DUXA: variants seen among roughly 807,000 people sequenced by gnomAD.
The protein encoded by DUXA is double homeobox A, also known as double homeobox protein A.
Under a neutral mutation model 27.5 loss-of-function variants are expected in DUXA, and 25 were observed. The observed-to-expected ratio is 0.91, with a 90% CI of 0.66 to 1.27. DUXA has a LOEUF of 1.27. Among genes scored for constraint, DUXA ranks in the 50% most tolerant of loss-of-function variants. DUXA has a pLI of 0.00. For missense variants in DUXA, 247 were observed against 242.9 expected (o/e 1.02, Z -0.11); for synonymous variants, 90 against 80.5 (o/e 1.12, Z -0.63).
At chr19:57,155,646 A>AAGATAGATAGATAGATAAAT (rs1555757949) in intron 4 of DUXA, among the ~76,000 whole-genome samples, 5 of 144,012 alleles carry the variant, frequency 3.5e-5, no homozygotes, top group African/African-American at 1.3e-4. Context: ...TGCCCAACCC[A>AAGATAGATAGATAGATAAAT]AGATAGATAG....
At chr19:57,161,042 T>C (rs2087018380) in intron 1 of DUXA, among the ~76,000 whole-genome samples, 1 of 151,862 alleles carries the variant, frequency 6.6e-6, no homozygotes, top group Non-Finnish European at 1.5e-5. Flanking sequence ...AAAACCATTG[T>C]GAGCCGGGCA....
chr19:57,165,318 AAAAAAAATATAT>A (rs1359192468), intron 1 of DUXA, among the ~76,000 whole-genome samples: 5 of 97,104 alleles, frequency 5.1e-5, no homozygotes, highest in Non-Finnish European at 9.1e-5. Context: ...GGAAAAAAAA[AAAAAAAATATAT>A]ATATATATAT....
At chr19:57,164,493 T>TA (rs1250259186) in intron 1 of DUXA, among the ~76,000 whole-genome samples, 2 of 152,210 alleles carry the variant, frequency 1.3e-5, no homozygotes, top group Admixed American at 6.5e-5. Context: ...GAGAATCGCT[T>TA]GAACCCGGGA....
At chr19:57,158,295 A>T in intron 4 of DUXA, 33 bp downstream of exon 4, 2 of 1,609,816 alleles carry the variant, frequency 1.2e-6, no homozygotes, top group Non-Finnish European at 1.7e-6. Context: ...CTAGATCCCT[A>T]GGAGATGGGA....
chr19:57,154,709 G>A (rs902896604), intron 5 of DUXA, among the ~76,000 whole-genome samples: 8 of 151,946 alleles, frequency 5.3e-5, no homozygotes, highest in Non-Finnish European at 7.4e-5. Flanking sequence ...GACTACAGGC[G>A]CCCGCCACCA....
intron 1 of DUXA, among the ~76,000 whole-genome samples, chr19:57,165,564 G>C (rs62131267): frequency 0.13 from 19,190 of 151,056 alleles, 1,269 homozygotes; most frequent in Admixed American, 0.16. Context: ...CCAGCACTTT[G>C]GGAGGCCGAG....
intron 1 of DUXA, among the ~76,000 whole-genome samples, chr19:57,162,623 G>A (rs1461026792): frequency 5.3e-5 from 8 of 152,132 alleles, no homozygotes; most frequent in African/African-American, 1.9e-4. Flanking sequence ...TGCCCAGGCT[G>A]GAGTGCAATG....
At chr19:57,165,150 G>C in intron 1 of DUXA, among the ~76,000 whole-genome samples, 1 of 151,606 alleles carries the variant, frequency 6.6e-6, no homozygotes, top group Non-Finnish European at 1.5e-5. Context: ...CCGTATATTT[G>C]TAAGTAACAC....
At chr19:57,159,303 G>T in intron 2 of DUXA, 25 bp from the exon 3 acceptor site, 1 of 1,600,252 alleles carries the variant, frequency 6.2e-7, no homozygotes, top group Non-Finnish European at 8.6e-7. Context: ...GAAAAGGAGA[G>T]AATTACGTGT....
intron 4 of DUXA, among the ~76,000 whole-genome samples, chr19:57,155,646 A>AAGATAGATAGATGATAGAT (rs1555757946): frequency 6.9e-6 from 1 of 144,012 alleles, no homozygotes; most frequent in Non-Finnish European, 1.5e-5. Flanking sequence ...TGCCCAACCC[A>AAGATAGATAGATGATAGAT]AGATAGATAG....
Position 57,154,418 on chromosome 19 carries a change from C to T in DUXA, c.609G>A (p.Thr203=), listed in dbSNP as rs749266994. The change falls in exon 6 of 6, where the codon ACG becomes ACA. Residue 203 remains threonine, a synonymous_variant. Transcript: ENST00000554048. ...ACACTGAATTTGACTGTGTTCACCA[C>T]GTTCTGGCTCCAGAGAAATGAGAGT... ...TSDSHFSGAR[T]W The T allele has an allele frequency of 7.4e-6, 12 of 1,613,376 alleles. No individual in the cohort carries two copies. The African/African-American group carries it at 1.2e-4, about 16-fold the overall frequency.
chr19:57,166,396 A>G (rs1309857170), intron 1 of DUXA, among the ~76,000 whole-genome samples: 1 of 152,000 alleles, frequency 6.6e-6, no homozygotes, highest in East Asian at 1.9e-4. Flanking sequence ...TGCAACATTC[A>G]CCTCTTGGGT....
intron 1 of DUXA, among the ~76,000 whole-genome samples, chr19:57,165,324 A>AAAAAATATATATAT (rs1491567041): frequency 2.2e-5 from 2 of 89,286 alleles, no homozygotes; most frequent in East Asian, 3.1e-4. Flanking sequence ...AAAAAAAAAA[A>AAAAAATATATATAT]ATATATATAT....
intron 1 of DUXA, among the ~76,000 whole-genome samples, chr19:57,162,898 G>A (rs925109664): frequency 2.6e-5 from 4 of 151,960 alleles, no homozygotes; most frequent in African/African-American, 9.7e-5. Flanking sequence ...TTTCACTGAA[G>A]GGGGAAGTTT....
At chr19:57,158,642 A>T (rs1014548862) in intron 3 of DUXA, among the ~76,000 whole-genome samples, 169 bp from the exon 4 acceptor site, 4 of 151,816 alleles carry the variant, frequency 2.6e-5, no homozygotes, top group African/African-American at 9.7e-5. Context: ...AAGGTTCTAG[A>T]GGAGACCCAG....
At chr19:57,158,564 C>T (rs2087004268) in intron 3 of DUXA, 91 bp from the exon 4 acceptor site, 8 of 1,482,156 alleles carry the variant, frequency 5.4e-6, no homozygotes, top group Non-Finnish European at 6.4e-6. Flanking sequence ...AAACTTGTCA[C>T]TCTCCCTCCA....
At chr19:57,164,534 C>T (rs2087041321) in intron 1 of DUXA, among the ~76,000 whole-genome samples, 1 of 152,020 alleles carries the variant, frequency 6.6e-6, no homozygotes, top group South Asian at 2.1e-4. Flanking sequence ...GAGATTGCAC[C>T]ATTGCACTCC....
intron 3 of DUXA, among the ~76,000 whole-genome samples, chr19:57,158,825 G>C (rs77860275): frequency 6.6e-6 from 1 of 152,144 alleles, no homozygotes; most frequent in Non-Finnish European, 1.5e-5. Context: ...TCTACTAAAA[G>C]TACAAAAATT....
rs750416667 is a variant in DUXA at position 57,159,242 on chromosome 19, G to T, written c.217C>A (p.Gln73Lys). 1.2e-6 allele frequency: 2 copies of T among 1,614,122 alleles called. No individual in the cohort carries two copies. The highest frequency in any genetic ancestry group is 3.3e-4 in the Middle Eastern group (2 of 6,062). Reference sequence around the variant, plus strand: ...AAAGTCTCAGCTTCTGGTCTTTTCTGGAATCCGTGCCTAGCTCTTCGATTC... The same window carrying T: ...AAAGTCTCAGCTTCTGGTCTTTTCTTGAATCCGTGCCTAGCTCTTCGATTC... ...FQNRRARHGFQKRPEAETLES... is the reference protein window; with the variant it reads ...FQNRRARHGFKKRPEAETLES... The change falls in exon 3 of 6, where the codon CAG becomes AAG. Residue 73 changes from glutamine to lysine, a missense_variant. Physicochemically the swap from Gln to Lys is moderately conservative, Grantham distance 53 (BLOSUM62 1). Coordinates refer to ENST00000554048, the MANE Select transcript of DUXA (RefSeq NM_001012729.2).
Sources: gnomAD v4.1 joint callset for allele counts (sites outside exome capture counted in the v4.1 genomes callset) on GRCh38, gnomAD v4.1.1 for gene constraint, MANE v1.5 for transcripts, NCBI Gene and HGNC (gene_info 2026-07-23, HGNC 2026-07-21) for gene names.